Variants in RBMS3 observed in about 807,000 individuals in gnomAD.
The protein encoded by RBMS3 is RNA-binding motif, single-stranded-interacting protein 3.
Under a neutral mutation model 66.8 loss-of-function variants are expected in RBMS3, and 27 were observed. That is an observed-to-expected ratio of 0.40 (90% confidence interval 0.30 to 0.56). The LOEUF is 0.56. RBMS3 is among the 20% of genes least tolerant of loss of function. The pLI is 0.40. For missense variants in RBMS3, 513 were observed against 549.5 expected (o/e 0.93, Z 0.66); for synonymous variants, 188 against 183.0 (o/e 1.03, Z -0.22).
At chr3:29,629,657 C>T (rs914457504) in intron 4 of RBMS3, among the ~76,000 whole-genome samples, 2 of 151,976 alleles carry the variant, frequency 1.3e-5, no homozygotes, top group Non-Finnish European at 2.9e-5. Context: ...TTTTCTTTCT[C>T]CTATCAAGAA....
chr3:29,805,074 T>C (rs934881683), intron 6 of RBMS3, among the ~76,000 whole-genome samples: 2 of 152,010 alleles, frequency 1.3e-5, no homozygotes, highest in African/African-American at 4.8e-5. Context: ...TAAGGTTAGA[T>C]TTCTAAGTTT....
intron 1 of RBMS3, among the ~76,000 whole-genome samples, chr3:29,371,709 A>G (rs73064307): frequency 0.23 from 35,104 of 152,088 alleles, 4,626 homozygotes; most frequent in Middle Eastern, 0.36. Flanking sequence ...TATTGGTTCC[A>G]AGGAAGCCTT....
At chr3:29,417,725 T>G (rs373881907) in intron 1 of RBMS3, among the ~76,000 whole-genome samples, 1 of 152,288 alleles carries the variant, frequency 6.6e-6, no homozygotes, top group South Asian at 2.1e-4. Flanking sequence ...TATCTGAACA[T>G]GGAATATTAT....
intron 3 of RBMS3, among the ~76,000 whole-genome samples, chr3:29,543,558 A>T (rs2045842450): frequency 6.6e-6 from 1 of 152,054 alleles, no homozygotes; most frequent in East Asian, 1.9e-4. Context: ...AAAAATACAA[A>T]AAGTAGCCAG....
intron 2 of RBMS3, among the ~76,000 whole-genome samples, chr3:29,444,450 C>A (rs765638024): frequency 2.6e-5 from 4 of 151,982 alleles, no homozygotes; most frequent in Non-Finnish European, 5.9e-5. Context: ...AATGTTCACA[C>A]AACTTGAATT....
intron 1 of RBMS3, among the ~76,000 whole-genome samples, chr3:29,381,467 A>G (rs2038762203): frequency 6.6e-6 from 1 of 152,150 alleles, no homozygotes; most frequent in African/African-American, 2.4e-5. Context: ...GTTTGGATAG[A>G]TCCCTGTACT....
At chr3:29,458,778 A>G (rs1559378127) in intron 2 of RBMS3, among the ~76,000 whole-genome samples, 1 of 152,206 alleles carries the variant, frequency 6.6e-6, no homozygotes. Context: ...TTCTCAACAT[A>G]TACATTGAAT....
intron 3 of RBMS3, among the ~76,000 whole-genome samples, chr3:29,539,342 C>T (rs2045678988): frequency 6.6e-6 from 1 of 152,166 alleles, no homozygotes. Context: ...AATTTAGAAT[C>T]ATCAGGTTTT....
chr3:29,364,038 A>G (rs555406103), intron 1 of RBMS3, among the ~76,000 whole-genome samples: 2 of 152,096 alleles, frequency 1.3e-5, no homozygotes, highest in Non-Finnish European at 2.9e-5. Flanking sequence ...CTTAGGGCCA[A>G]TATTTCTACT....
intron 2 of RBMS3, among the ~76,000 whole-genome samples, chr3:29,435,663 G>T (rs1239268194): frequency 6.6e-6 from 1 of 152,150 alleles, no homozygotes; most frequent in Non-Finnish European, 1.5e-5. Context: ...ACCTGGCCGG[G>T]CACAGTGGCT....
chr3:29,786,486 T>TA (rs1446998244), intron 6 of RBMS3, among the ~76,000 whole-genome samples: 1 of 152,014 alleles, frequency 6.6e-6, no homozygotes, highest in Admixed American at 6.6e-5. Context: ...GGTACTGGGA[T>TA]AAAAATAGGC....
At chr3:29,547,365 C>T (rs2045997431) in intron 3 of RBMS3, among the ~76,000 whole-genome samples, 1 of 152,100 alleles carries the variant, frequency 6.6e-6, no homozygotes, top group African/African-American at 2.4e-5. Flanking sequence ...TCACTATTCA[C>T]CAATACATTG....
chr3:29,524,079 C>G (rs1343525388), intron 3 of RBMS3, among the ~76,000 whole-genome samples: 2 of 152,132 alleles, frequency 1.3e-5, no homozygotes. Context: ...TATGAGCTTC[C>G]TGATAAAATT....
chr3:29,997,037 A>T (rs1209599114), intron 14 of RBMS3, among the ~76,000 whole-genome samples: 3 of 151,388 alleles, frequency 2.0e-5, no homozygotes, highest in African/African-American at 7.3e-5. Flanking sequence ...TAATAAAGAA[A>T]AAAAGAGAGA....
intron 7 of RBMS3, among the ~76,000 whole-genome samples, chr3:29,869,169 GC>G: frequency 6.6e-6 from 1 of 152,228 alleles, no homozygotes; most frequent in Middle Eastern, 3.4e-3. Context: ...CCTCAGTTCT[GC>G]ACTACAGCAA....
chr3:29,789,968 G>A (rs2149424970), intron 6 of RBMS3, among the ~76,000 whole-genome samples: 1 of 152,172 alleles, frequency 6.6e-6, no homozygotes, highest in Non-Finnish European at 1.5e-5. Context: ...CACTTCACAG[G>A]CATTGCTATC....
intron 6 of RBMS3, among the ~76,000 whole-genome samples, chr3:29,793,737 T>G (rs77061334): frequency 0.044 from 6,705 of 152,322 alleles, 225 homozygotes; most frequent in Admixed American, 0.076. Context: ...TTACACGCTG[T>G]TTCAGAGATG....
At chr3:29,714,191 T>A (rs752164804) in intron 4 of RBMS3, among the ~76,000 whole-genome samples, 1 of 152,204 alleles carries the variant, frequency 6.6e-6, no homozygotes, top group African/African-American at 2.4e-5. Flanking sequence ...CTAGGACCAA[T>A]GAGCAGTGGT....
rs745367344 is a variant in RBMS3 at position 29,587,248 on chromosome 3, T to TTG, written c.399+72_399+73dup. The stretch of plus-strand genomic sequence containing the variant: ...GGGTGTTTTTTTTTTTTTTTTTTTT[T>TTG]TGTGTGTGTGTGTGTGTGTGTGTGT... On this transcript the variant is annotated intron_variant, in intron 4 of 14. Transcript: ENST00000383767. 3.2e-3 allele frequency: 1,190 copies of TTG among 366,194 alleles called. 10 individuals carry two copies. Among genetic ancestry groups the TTG allele is most frequent in the African/African-American group, 5.9e-3 (171 of 29,226 alleles). The allele number at this position is 366,194 out of a possible 1,614,324, so 22.7% of individuals were successfully genotyped here. A position where few individuals can be genotyped will look rare whatever the true frequency, so the allele number is the denominator to read the frequency against.
Sources: gnomAD v4.1 joint callset for allele counts (sites outside exome capture counted in the v4.1 genomes callset) on GRCh38, gnomAD v4.1.1 for gene constraint, MANE v1.5 for transcripts, NCBI Gene and HGNC (gene_info 2026-07-23, HGNC 2026-07-21) for gene names.